DIAPH2: variants seen among roughly 807,000 people sequenced by gnomAD.
DIAPH2 encodes the protein diaphanous related formin 2.
DIAPH2 carries 35 observed loss-of-function variants against 92.7 expected under a neutral mutation model. That is an observed-to-expected ratio of 0.38 (90% CI 0.29 to 0.50). The LOEUF is 0.50. DIAPH2 is among the 20% of genes least tolerant of loss of function. DIAPH2 has a pLI of 0.94. For synonymous variants in DIAPH2, 301 were observed against 280.4 expected (o/e 1.07, Z -0.73); for missense variants, 701 against 819.5 (o/e 0.86, Z 1.77).
chrX:96,891,555 AT>A (rs761058013), intron 5 of DIAPH2, among the ~76,000 whole-genome samples: 1 of 112,221 alleles, frequency 8.9e-6, no homozygotes, highest in African/African-American at 3.2e-5. Context: ...CAGCCAATTC[AT>A]TGCAAGATGT....
intron 26 of DIAPH2, among the ~76,000 whole-genome samples, chrX:97,517,824 A>G (rs1309399070): frequency 1.8e-5 from 2 of 112,410 alleles, no homozygotes; most frequent in Admixed American, 1.9e-4. Flanking sequence ...CCAAAGTTGG[A>G]CATATGGCTG....
At chrX:97,113,603 C>T (rs768335159) in intron 20 of DIAPH2, among the ~76,000 whole-genome samples, 2 of 111,834 alleles carry the variant, frequency 1.8e-5, no homozygotes, top group South Asian at 3.8e-4. Context: ...TGGGCAAATT[C>T]GAAGAAGAAA....
chrX:97,323,134 G>C, intron 23 of DIAPH2, among the ~76,000 whole-genome samples: 1 of 105,945 alleles, frequency 9.4e-6, no homozygotes, highest in Non-Finnish European at 1.9e-5. Context: ...TCGATCTGCT[G>C]ACCTCAGGTG....
intron 4 of DIAPH2, among the ~76,000 whole-genome samples, chrX:96,797,408 G>T (rs1225135356): frequency 1.8e-5 from 2 of 111,992 alleles, no homozygotes; most frequent in Non-Finnish European, 3.8e-5. Flanking sequence ...TTGAACTCGG[G>T]AGCCAGAGGT....
chrX:97,314,938 A>G (rs2068828479), intron 23 of DIAPH2, among the ~76,000 whole-genome samples: 1 of 111,941 alleles, frequency 8.9e-6, no homozygotes, highest in African/African-American at 3.2e-5. Context: ...ATTGATCCAC[A>G]TGTTTAACAT....
intron 5 of DIAPH2, among the ~76,000 whole-genome samples, chrX:96,907,270 G>A (rs1298959388): frequency 8.9e-6 from 1 of 111,918 alleles, no homozygotes; most frequent in African/African-American, 3.2e-5. Flanking sequence ...GTCCTTAACA[G>A]TATTTTGTAG....
chrX:96,920,371 T>G (rs902773873), intron 9 of DIAPH2, among the ~76,000 whole-genome samples: 1 of 112,108 alleles, frequency 8.9e-6, no homozygotes, highest in Non-Finnish European at 1.9e-5. Flanking sequence ...ATGTTTGTAC[T>G]TCTCTTCGAA....
chrX:96,910,175 C>T (rs924001612), intron 5 of DIAPH2, among the ~76,000 whole-genome samples: 2 of 110,738 alleles, frequency 1.8e-5, no homozygotes, highest in Non-Finnish European at 3.8e-5. Context: ...GTATATTATA[C>T]TTAAAGCTGA....
chrX:97,511,022 A>G (rs2070886746), intron 26 of DIAPH2, among the ~76,000 whole-genome samples: 1 of 107,873 alleles, frequency 9.3e-6, no homozygotes, highest in Admixed American at 9.9e-5. Flanking sequence ...TGAACTTTAA[A>G]GTAGTTTTTT....
chrX:97,601,673 T>C lies in DIAPH2; in HGVS notation c.*2356T>C, dbSNP rs1298384721. ...TTACTGCCACACATGAGAAGCACCA[T>C]TTATGCAGATTTTCTTCAGAATATT... On this transcript the variant is annotated 3_prime_UTR_variant, in exon 27 of 27. Coordinates refer to ENST00000324765, the MANE Select transcript of DIAPH2 (RefSeq NM_006729.5). 8.9e-6 allele frequency: 1 copy of C among 112,200 alleles called. No individual in the cohort carries two copies. The highest frequency in any genetic ancestry group is 9.4e-5 in the Admixed American group (1 of 10,611). The allele number at this position is 112,200 out of a possible 1,213,427, so 9.2% of individuals were successfully genotyped here. A position where few individuals can be genotyped will look rare whatever the true frequency, so the allele number is the denominator to read the frequency against.
At chrX:97,229,542 G>C (rs2067991369) in intron 22 of DIAPH2, among the ~76,000 whole-genome samples, 3 of 111,100 alleles carry the variant, frequency 2.7e-5, no homozygotes, top group South Asian at 7.5e-4. Flanking sequence ...TAACTCTGTG[G>C]TTTTAAGCAG....
chrX:97,425,742 C>T (rs1034884021), intron 25 of DIAPH2, among the ~76,000 whole-genome samples: 4 of 105,957 alleles, frequency 3.8e-5, no homozygotes, highest in Non-Finnish European at 7.7e-5. Flanking sequence ...GATCACACCA[C>T]TGCACTCCAA....
At chrX:97,536,299 C>T (rs1015652910) in intron 26 of DIAPH2, among the ~76,000 whole-genome samples, 1 of 111,782 alleles carries the variant, frequency 8.9e-6, no homozygotes. Context: ...ATGAAGAGCC[C>T]TTGTCATCAA....
intron 23 of DIAPH2, among the ~76,000 whole-genome samples, chrX:97,273,468 CTT>C (rs930987786): frequency 9.0e-6 from 1 of 111,582 alleles, no homozygotes; most frequent in Non-Finnish European, 1.9e-5. Flanking sequence ...AATCTTGTCT[CTT>C]TTTATAAGTT....
At chrX:97,175,151 A>G (rs2067482527) in intron 22 of DIAPH2, among the ~76,000 whole-genome samples, 1 of 112,099 alleles carries the variant, frequency 8.9e-6, no homozygotes. Flanking sequence ...ACCTATTTCC[A>G]ATAGATTAGG....
At chrX:97,538,702 A>G (rs780138812) in intron 26 of DIAPH2, among the ~76,000 whole-genome samples, 1 of 112,487 alleles carries the variant, frequency 8.9e-6, no homozygotes, top group South Asian at 3.7e-4. Flanking sequence ...TAATCAGTTC[A>G]TTAATCAAGT....
At position 96,763,100 on chromosome X, in the gene DIAPH2, A is replaced by G. The variant is rs760108740; in HGVS notation, c.447+4842A>G. The stretch of plus-strand genomic sequence containing the variant: ...ACTCTTCGTTGACCACTGCATGCAG[A>G]TAGTTGGAAGTAAAGTTACGGTGAG... On this transcript the variant is annotated intron_variant, in intron 4 of 26. Transcript: ENST00000324765. 1.3e-5 allele frequency: 13 copies of G among 963,028 alleles called. No homozygotes were observed. The East Asian group carries it at 7.6e-4, about 57-fold the overall frequency. The allele number at this position is 963,028 out of a possible 1,213,427, so 79.4% of individuals were successfully genotyped here.
intron 26 of DIAPH2, among the ~76,000 whole-genome samples, chrX:97,458,315 T>G (rs2070427349): frequency 9.3e-6 from 1 of 107,179 alleles, no homozygotes; most frequent in African/African-American, 3.4e-5. Context: ...CTTTTTTTTT[T>G]TTTTTCTCAA....
At chrX:96,852,180 C>A (rs1490737036) in intron 4 of DIAPH2, among the ~76,000 whole-genome samples, 1 of 112,071 alleles carries the variant, frequency 8.9e-6, no homozygotes, top group Non-Finnish European at 1.9e-5. Flanking sequence ...TCAGATTTCT[C>A]TTTTGATTCA....
Sources: allele counts gnomAD v4.1 joint callset (sites outside exome capture counted in the v4.1 genomes callset), GRCh38; gene constraint gnomAD v4.1.1; transcripts MANE v1.5; gene names NCBI Gene and HGNC (gene_info 2026-07-23, HGNC 2026-07-21).